PRTG: variants seen among roughly 807,000 people sequenced by gnomAD.
PRTG encodes immunoglobulin superfamily, DCC subclass, member 5.
Under a neutral mutation model 122.5 loss-of-function variants are expected in PRTG, and 67 were observed. The observed-to-expected ratio is 0.55, with a 90% CI of 0.45 to 0.67. PRTG has a LOEUF of 0.67. PRTG is among the 30% of genes least tolerant of loss of function. The pLI is 0.00. For synonymous variants in PRTG, 554 were observed against 501.1 expected (o/e 1.11, Z -1.41); for missense variants, 1,435 against 1,415.4 (o/e 1.01, Z -0.22).
At chr15:55,729,863 CA>C (rs1308114265) in intron 2 of PRTG, among the ~76,000 whole-genome samples, 3 of 152,132 alleles carry the variant, frequency 2.0e-5, no homozygotes, top group Admixed American at 2.0e-4. Flanking sequence ...GATGTATCAA[CA>C]AATGCCAAAC....
chr15:55,705,434 C>T (rs1030279968), intron 2 of PRTG, among the ~76,000 whole-genome samples: 1 of 152,162 alleles, frequency 6.6e-6, no homozygotes, highest in African/African-American at 2.4e-5. Flanking sequence ...TTTAGGATCT[C>T]CTGTCAACTA....
At chr15:55,629,840 A>G (rs1279411445) in intron 15 of PRTG, among the ~76,000 whole-genome samples, 3 of 143,928 alleles carry the variant, frequency 2.1e-5, no homozygotes, top group East Asian at 2.1e-4. Flanking sequence ...TTTTTTTGAG[A>G]TGGAGTCTTG....
At chr15:55,705,860 T>A (rs2030086384) in intron 2 of PRTG, among the ~76,000 whole-genome samples, 1 of 149,450 alleles carries the variant, frequency 6.7e-6, no homozygotes. Flanking sequence ...TATTCTTTTT[T>A]TTTTTTTTTT....
chr15:55,646,458 G>A (rs997556336), intron 11 of PRTG, among the ~76,000 whole-genome samples: 5 of 151,754 alleles, frequency 3.3e-5, no homozygotes. Context: ...AAGTAGCTAG[G>A]ACTACAGGCG....
rs983603596 is a variant in PRTG at position 55,677,926 on chromosome 15, T to C, written c.1252A>G (p.Arg418Gly). ...TGTACATTATAGGGAGCACTGGGTC[T>C]GTCTTCTGACATCACTACAGTCAGT... ...ARLTVVMSED[R>G]PSAPYNVHAE... The change falls in exon 8 of 20, where the codon AGA (arginine) becomes GGA (glycine). Residue 418 changes from arginine (R) to glycine (G), a missense_variant. Transcript: ENST00000389286. 3.7e-6 allele frequency: 6 copies of C among 1,613,882 alleles called. No individual in the cohort carries two copies. Among genetic ancestry groups the C allele is most frequent in the African/African-American group, 1.3e-5 (1 of 74,934 alleles).
chr15:55,724,318 A>G (rs2030946392), intron 2 of PRTG, among the ~76,000 whole-genome samples: 1 of 152,006 alleles, frequency 6.6e-6, no homozygotes, highest in Non-Finnish European at 1.5e-5. Flanking sequence ...TCTCCCTTCA[A>G]TCAGTGTCAG....
At chr15:55,704,199 AT>A (rs2029995448) in intron 2 of PRTG, among the ~76,000 whole-genome samples, 1 of 152,196 alleles carries the variant, frequency 6.6e-6, no homozygotes, top group Non-Finnish European at 1.5e-5. Context: ...CCTTGTTGTC[AT>A]TCCATAAAGA....
chr15:55,739,315 G>A (rs1463000527), intron 2 of PRTG, among the ~76,000 whole-genome samples: 2 of 150,290 alleles, frequency 1.3e-5, no homozygotes, highest in African/African-American at 2.5e-5. Context: ...TCCCAGGCTG[G>A]ACTCAAACTC....
chr15:55,725,256 T>C (rs1219687124), intron 2 of PRTG, among the ~76,000 whole-genome samples: 1 of 152,090 alleles, frequency 6.6e-6, no homozygotes, highest in Non-Finnish European at 1.5e-5. Context: ...ATAATTCCTG[T>C]GGTAACAACA....
chr15:55,633,247 T>G (rs2059237663), intron 15 of PRTG, among the ~76,000 whole-genome samples: 1 of 152,294 alleles, frequency 6.6e-6, no homozygotes, highest in African/African-American at 2.4e-5. Flanking sequence ...GTAATCTTTT[T>G]TTTTTAATAC....
chr15:55,678,128 CATTTT>C (rs1359603409), intron 7 of PRTG, 84 bp from the exon 8 acceptor site: 13 of 767,202 alleles, frequency 1.7e-5, no homozygotes, highest in Non-Finnish European at 2.2e-5. Context: ...AATATACTCT[CATTTT>C]ATTTTATTTT....
rs867029978 is a variant in PRTG at position 55,613,275 on chromosome 15, T to C, written c.*6737A>G. The C allele has an allele frequency of 2.6e-5, 4 of 152,110 alleles. No homozygotes were observed. The highest frequency in any genetic ancestry group is 9.7e-5 in the African/African-American group (4 of 41,442). 9.4% of individuals were successfully genotyped at this position (152,110 alleles called of 1,614,324 possible). A position where few individuals can be genotyped will look rare whatever the true frequency, so the allele number is the denominator to read the frequency against. On this transcript the variant is annotated 3_prime_UTR_variant, in exon 20 of 20. Coordinates refer to ENST00000389286, the MANE Select transcript of PRTG (RefSeq NM_173814.6). ...AATGCAAATAATAAATTAGTTTATA[T>C]TCATAAAAAATCATGAACTCTTCAG... is the stretch of plus-strand genomic sequence containing the variant.
chr15:55,700,806 T>C (rs376334660), intron 2 of PRTG, among the ~76,000 whole-genome samples: 30 of 152,124 alleles, frequency 2.0e-4, no homozygotes, highest in African/African-American at 7.0e-4. Context: ...CCCCTCCTCT[T>C]GGAAAAATAC....
intron 15 of PRTG, among the ~76,000 whole-genome samples, chr15:55,636,780 T>C (rs1595609118): frequency 6.6e-6 from 1 of 151,892 alleles, no homozygotes; most frequent in Non-Finnish European, 1.5e-5. Flanking sequence ...CTAAGTAGCT[T>C]GGATTACAGG....
intron 11 of PRTG, among the ~76,000 whole-genome samples, chr15:55,641,649 C>A (rs1286802710): frequency 6.6e-6 from 1 of 152,070 alleles, no homozygotes; most frequent in Non-Finnish European, 1.5e-5. Flanking sequence ...TGTTTTATTC[C>A]AAAAAGTTAA....
intron 2 of PRTG, among the ~76,000 whole-genome samples, chr15:55,695,591 G>A (rs1303900563): frequency 6.6e-6 from 1 of 152,324 alleles, no homozygotes; most frequent in East Asian, 1.9e-4. Flanking sequence ...GCAGGGCAAC[G>A]TGGGCAGAAG....
At chr15:55,627,274 C>A (rs541658989) in intron 16 of PRTG, 146 bp from the exon 17 acceptor site, 4 of 441,376 alleles carry the variant, frequency 9.1e-6, no homozygotes, top group Non-Finnish European at 1.6e-5. Context: ...AAAGGACACA[C>A]AGTAATCTTT....
chr15:55,709,771 C>A (rs2263952), intron 2 of PRTG, among the ~76,000 whole-genome samples: 144,559 of 152,288 alleles, frequency 0.95, 69,107 homozygotes, highest in East Asian at 1. Context: ...TACAAACAAA[C>A]GAGTACATAT....
chr15:55,687,620 A>G (rs2059577493), intron 2 of PRTG, among the ~76,000 whole-genome samples: 1 of 152,198 alleles, frequency 6.6e-6, no homozygotes, highest in South Asian at 2.1e-4. Flanking sequence ...AATGGGCTGG[A>G]ACTCTGGAGT....
Sources: gnomAD v4.1 joint callset for allele counts (sites outside exome capture counted in the v4.1 genomes callset) on GRCh38, gnomAD v4.1.1 for gene constraint, MANE v1.5 for transcripts, NCBI Gene and HGNC (gene_info 2026-07-23, HGNC 2026-07-21) for gene names.